The following TTC3 variants were observed in gnomAD, a reference collection of about 807,000 sequenced individuals.
TTC3 encodes E3 ubiquitin-protein ligase TTC3.
A neutral mutation model predicts 249.6 loss-of-function variants in TTC3; 180 were observed. The ratio of observed to expected loss-of-function variants is 0.72; its 90% CI spans 0.64 to 0.82. TTC3 has a LOEUF of 0.82. Among genes scored for constraint, TTC3 ranks in the 40% least tolerant of loss-of-function variants. TTC3 has a pLI of 0.00. For synonymous variants in TTC3, 717 were observed against 805.0 expected, an observed-to-expected ratio of 0.89 and a Z score of 1.85; for missense variants, 2,061 against 2,398.4, an observed-to-expected ratio of 0.86 and a Z score of 2.94.
chr21:37,169,682 A>G (rs1171756054), intron 34 of TTC3, among the ~76,000 whole-genome samples: 2 of 206 alleles, frequency 9.7e-3, no homozygotes, highest in Admixed American at 0.026. Flanking sequence ...CCCCATCTCT[A>G]CTAAAATTAA....
chr21:37,114,295 A>G (rs966529519), intron 11 of TTC3, among the ~76,000 whole-genome samples: 35 of 152,290 alleles, frequency 2.3e-4, no homozygotes, highest in African/African-American at 7.5e-4. Flanking sequence ...CTCATCTGAC[A>G]AAGGGCTAAT....
chr21:37,174,247 G>A (rs761743543), intron 35 of TTC3, among the ~76,000 whole-genome samples: 2 of 152,080 alleles, frequency 1.3e-5, no homozygotes, highest in Non-Finnish European at 2.9e-5. Flanking sequence ...TTTTTAACTT[G>A]TTAAGGCTTT....
At chr21:37,082,747 C>T (rs2071874103) in intron 1 of TTC3, 4 of 984,936 alleles carry the variant, frequency 4.1e-6, no homozygotes, top group African/African-American at 3.5e-5. Flanking sequence ...TACCTTTTTC[C>T]TCCCAACAGT....
At chr21:37,082,532 A>G (rs562993941) in intron 1 of TTC3, 1 of 985,338 alleles carries the variant, frequency 1.0e-6, no homozygotes, top group Non-Finnish European at 1.2e-6. Flanking sequence ...TTGAGTTCCT[A>G]CATTTTGCTT....
At chr21:37,163,010 C>T (rs1384345874) in intron 31 of TTC3, among the ~76,000 whole-genome samples, 2 of 152,222 alleles carry the variant, frequency 1.3e-5, no homozygotes, top group Non-Finnish European at 1.5e-5. Context: ...CACATCCTAA[C>T]ACCATCACAT....
At chr21:37,153,152 A>C in exon 27 of TTC3, 2 of 1,614,130 alleles carry the variant, frequency 1.2e-6, no homozygotes, top group Non-Finnish European at 1.7e-6. Context: ...GCAGTGGACT[A>C]TGTTATTCGC....
chr21:37,104,693 G>C (rs2074905021), intron 10 of TTC3, among the ~76,000 whole-genome samples: 1 of 152,132 alleles, frequency 6.6e-6, no homozygotes, highest in Non-Finnish European at 1.5e-5. Flanking sequence ...GGAGGGTTTG[G>C]ATGGGAAACA....
chr21:37,080,964 T>C (rs1031968122), intron 1 of TTC3, among the ~76,000 whole-genome samples: 1 of 152,104 alleles, frequency 6.6e-6, no homozygotes, highest in Admixed American at 6.6e-5. Flanking sequence ...AAAAAAAATC[T>C]AAAAGTATTT....
intron 25 of TTC3, among the ~76,000 whole-genome samples, chr21:37,151,089 G>T (rs761467821): frequency 6.6e-5 from 10 of 152,050 alleles, no homozygotes; most frequent in African/African-American, 9.7e-5. Flanking sequence ...ACTTGATTCA[G>T]AATTATTTAT....
intron 10 of TTC3, among the ~76,000 whole-genome samples, chr21:37,097,204 T>A (rs1394539294): frequency 2.0e-5 from 3 of 152,182 alleles, no homozygotes; most frequent in African/African-American, 7.2e-5. Context: ...TATATTGAAT[T>A]TGAGCTGAGT....
intron 1 of TTC3, chr21:37,083,119 A>G: frequency 1.0e-6 from 1 of 985,422 alleles, no homozygotes; most frequent in South Asian, 4.7e-5. Context: ...AGGTGCAAAA[A>G]TCAACTTGAT....
At chr21:37,108,262 A>T in intron 10 of TTC3, 130 bp from the exon 11 acceptor site, 1 of 705,052 alleles carries the variant, frequency 1.4e-6, no homozygotes, top group South Asian at 2.9e-5. Flanking sequence ...TATTATATGG[A>T]TTTTTTTTAA....
chr21:37,117,620 T>C (rs991764150), intron 11 of TTC3, among the ~76,000 whole-genome samples: 3 of 152,074 alleles, frequency 2.0e-5, no homozygotes, highest in Non-Finnish European at 4.4e-5. Flanking sequence ...GACCTGGCGC[T>C]CACTCCTGTA....
At chr21:37,097,126 T>C (rs902974182) in intron 10 of TTC3, among the ~76,000 whole-genome samples, 1 of 152,206 alleles carries the variant, frequency 6.6e-6, no homozygotes, top group Non-Finnish European at 1.5e-5. Context: ...GTAAATATCC[T>C]TCATAAGTGA....
At chr21:37,168,210 ATATT>A (rs1440450874) in intron 34 of TTC3, among the ~76,000 whole-genome samples, 1 of 152,202 alleles carries the variant, frequency 6.6e-6, no homozygotes, top group Non-Finnish European at 1.5e-5. Context: ...CAACATGCTA[ATATT>A]TTAAGCCAAA....
At chr21:37,093,916 C>G in intron 7 of TTC3, 89 bp from the exon 8 acceptor site, 2 of 804,460 alleles carry the variant, frequency 2.5e-6, no homozygotes, top group South Asian at 1.6e-5. Context: ...GTGGACTCAC[C>G]TAACTCAAGA....
At chr21:37,199,795 C>T (rs1172894033) in intron 44 of TTC3, among the ~76,000 whole-genome samples, 1 of 152,148 alleles carries the variant, frequency 6.6e-6, no homozygotes, top group African/African-American at 2.4e-5. Context: ...TTGGGGCCAG[C>T]TTTCTATGTC....
chr21:37,113,871 A>C (rs575289328), intron 11 of TTC3, among the ~76,000 whole-genome samples: 1 of 152,342 alleles, frequency 6.6e-6, no homozygotes, highest in Non-Finnish European at 1.5e-5. Context: ...CAGAGCCCTC[A>C]GAAATAGTGC....
chr21:37,073,458 C>T (rs972824242), intron 1 of TTC3: 1 of 986,474 alleles, frequency 1.0e-6, no homozygotes, highest in Non-Finnish European at 1.2e-6. Context: ...TTCCACACCC[C>T]CTCCGTGGGT....
Sources: gnomAD v4.1 joint callset for allele counts (sites outside exome capture counted in the v4.1 genomes callset) on GRCh38, gnomAD v4.1.1 for gene constraint, MANE v1.5 for transcripts, NCBI Gene and HGNC (gene_info 2026-07-23, HGNC 2026-07-21) for gene names.